MLIP: variants seen among roughly 807,000 people sequenced by gnomAD.
MLIP encodes the protein muscular LMNA interacting protein, also known as muscular LMNA-interacting protein.
Under a neutral mutation model 84.8 loss-of-function variants are expected in MLIP, and 79 were observed. That is an observed-to-expected ratio of 0.93 (90% CI 0.78 to 1.12). The LOEUF (loss-of-function observed/expected upper bound fraction) is 1.12. Among genes scored for constraint, MLIP ranks in the 50% most tolerant of loss-of-function variants. The pLI is 0.00. For missense variants in MLIP, 1,257 were observed against 1,160.6 expected (o/e 1.08, Z -1.21); for synonymous variants, 504 against 463.0 (o/e 1.09, Z -1.14).
At chr6:54,048,255 G>T (rs1228406963) in intron 1 of MLIP, among the ~76,000 whole-genome samples, 2 of 152,170 alleles carry the variant, frequency 1.3e-5, no homozygotes, top group Non-Finnish European at 2.9e-5. Flanking sequence ...TTCTGGAAAG[G>T]TTATCAGCAT....
intron 5 of MLIP, among the ~76,000 whole-genome samples, chr6:54,155,786 A>C (rs981283181): frequency 6.6e-6 from 1 of 152,046 alleles, no homozygotes; most frequent in Non-Finnish European, 1.5e-5. Context: ...CTTTTCTGCT[A>C]TGAGATTTAT....
chr6:54,077,604 G>A (rs1766881511), intron 1 of MLIP, among the ~76,000 whole-genome samples: 2 of 152,080 alleles, frequency 1.3e-5, no homozygotes, highest in Admixed American at 1.3e-4. Context: ...ATTAAATAGA[G>A]CAAGGGGCTT....
At chr6:54,262,978 G>C (rs955842705) in intron 13 of MLIP, among the ~76,000 whole-genome samples, 7 of 152,008 alleles carry the variant, frequency 4.6e-5, no homozygotes, top group African/African-American at 1.7e-4. Flanking sequence ...TAGAAACTCA[G>C]TTAAATCTAC....
At chr6:54,244,599 C>A (rs1385105330) in intron 12 of MLIP, among the ~76,000 whole-genome samples, 2 of 152,154 alleles carry the variant, frequency 1.3e-5, no homozygotes, top group Non-Finnish European at 2.9e-5. Flanking sequence ...GCTAGGTTCT[C>A]CACTAGAGGG....
chr6:54,257,417 A>G, intron 13 of MLIP, 56 bp downstream of exon 13: 1 of 1,308,186 alleles, frequency 7.6e-7, no homozygotes, highest in East Asian at 2.3e-5. Context: ...GATTATAGAA[A>G]TAAACCAATC....
chr6:54,054,102 T>G (rs1417616088), intron 1 of MLIP, among the ~76,000 whole-genome samples: 1 of 152,154 alleles, frequency 6.6e-6, no homozygotes. Context: ...AGTTTGCTTT[T>G]TTTTCACAAA....
intron 1 of MLIP, among the ~76,000 whole-genome samples, chr6:54,113,776 C>G (rs141317930): frequency 6.6e-6 from 1 of 152,124 alleles, no homozygotes; most frequent in Non-Finnish European, 1.5e-5. Context: ...TTCTCTCAAA[C>G]AGTCATCATA....
At chr6:54,244,847 G>C (rs888274390) in intron 12 of MLIP, among the ~76,000 whole-genome samples, 39 of 152,138 alleles carry the variant, frequency 2.6e-4, no homozygotes, top group Non-Finnish European at 5.3e-4. Flanking sequence ...TCTGCCATTG[G>C]ACATATAGTA....
chr6:54,238,673 G>C (rs1335774754), intron 12 of MLIP, among the ~76,000 whole-genome samples: 1 of 152,200 alleles, frequency 6.6e-6, no homozygotes, highest in Admixed American at 6.5e-5. Context: ...AAGCAAGGCT[G>C]AGATTTCCTA....
At chr6:54,055,981 T>G (rs1765638209) in intron 1 of MLIP, among the ~76,000 whole-genome samples, 1 of 152,198 alleles carries the variant, frequency 6.6e-6, no homozygotes, top group South Asian at 2.1e-4. Flanking sequence ...TAAATGGTTG[T>G]TGCACTTTAC....
chr6:54,189,741 C>A, intron 9 of MLIP, 129 bp from the exon 10 acceptor site: 2 of 648,646 alleles, frequency 3.1e-6, no homozygotes, highest in Non-Finnish European at 2.6e-6. Context: ...GATATTTTTC[C>A]TTTTCTTTAT....
rs568279272 is a variant in MLIP, at chr6:54,069,740, C to T, written c.63+50649C>T. ...TTGTTGAATCCAGGGATGCAGAACT[C>T]GTCTATATGGAGGGCCAACTTCACA... On this transcript the variant is annotated intron_variant, in intron 1 of 12. Coordinates refer to the MLIP transcript ENST00000274897. Among the ~76,000 whole-genome samples, 10 of 97,836 alleles carry T rather than the reference C, an allele frequency of 1.0e-4. 4 individuals carry two copies. The highest frequency in any genetic ancestry group is 2.1e-4 in the Non-Finnish European group (7 of 34,062). 64.2% of individuals were successfully genotyped at this position (97,836 alleles called of 152,430 possible). A position where few individuals can be genotyped will look rare whatever the true frequency, so the allele number is the denominator to read the frequency against.
intron 13 of MLIP, among the ~76,000 whole-genome samples, chr6:54,257,822 T>C (rs933899094): frequency 1.3e-5 from 2 of 152,062 alleles, no homozygotes; most frequent in Admixed American, 6.6e-5. Flanking sequence ...CCCAAGTGAA[T>C]TTTATATATG....
chr6:54,029,640 T>C lies in MLIP; in HGVS notation c.63+10549T>C, dbSNP rs71558850. 1.7e-3 allele frequency among the ~76,000 whole-genome samples: 260 copies of C among 152,316 alleles called. 1 individual carries two copies. The highest frequency in any genetic ancestry group is 3.4e-3 in the Middle Eastern group (1 of 294). Reference sequence around the variant, plus strand: ...ATTTTAAACCCAGCAACTTTTTTTTTCTGTTCAGGGTATCATACTATATAC... The same window carrying C: ...ATTTTAAACCCAGCAACTTTTTTTTCCTGTTCAGGGTATCATACTATATAC... On this transcript the variant is annotated intron_variant, in intron 1 of 12. Coordinates refer to the MLIP transcript ENST00000274897.
chr6:54,051,678 T>G (rs1205495879), intron 1 of MLIP, among the ~76,000 whole-genome samples: 1 of 152,074 alleles, frequency 6.6e-6, no homozygotes, highest in Non-Finnish European at 1.5e-5. Flanking sequence ...AAGAGCAATT[T>G]GATTGTGAGG....
intron 1 of MLIP, among the ~76,000 whole-genome samples, chr6:54,057,565 T>G (rs1317928037): frequency 6.6e-6 from 1 of 152,178 alleles, no homozygotes; most frequent in East Asian, 1.9e-4. Context: ...AATATAGACC[T>G]TCTCAAACTT....
chr6:54,063,760 CCTTT>C (rs1173031872), intron 1 of MLIP, among the ~76,000 whole-genome samples: 1 of 138,054 alleles, frequency 7.2e-6, no homozygotes, highest in Non-Finnish European at 1.6e-5. Context: ...GTGTGTGGTG[CCTTT>C]CTTAGTACGT....
At chr6:54,124,263 A>G (rs1442911495) in intron 2 of MLIP, among the ~76,000 whole-genome samples, 1 of 152,172 alleles carries the variant, frequency 6.6e-6, no homozygotes, top group African/African-American at 2.4e-5. Flanking sequence ...TTACTATCCC[A>G]AAATTGTTTG....
intron 11 of MLIP, chr6:54,217,848 A>G (rs2150761912): frequency 1.0e-6 from 1 of 985,270 alleles, no homozygotes; most frequent in South Asian, 4.7e-5. Context: ...CATATATTGC[A>G]TGCTAAAGCA....
Sources: allele counts gnomAD v4.1 joint callset (sites outside exome capture counted in the v4.1 genomes callset), GRCh38; gene constraint gnomAD v4.1.1; transcripts MANE v1.5; gene names NCBI Gene and HGNC (gene_info 2026-07-23, HGNC 2026-07-21).